AFM: variants seen among roughly 807,000 people sequenced by gnomAD.
AFM encodes alpha-Alb.
A neutral mutation model predicts 68.7 loss-of-function variants in AFM; 82 were observed. The ratio of observed to expected loss-of-function variants is 1.19; its 90% CI spans 1.00 to 1.43. The LOEUF (loss-of-function observed/expected upper bound fraction) is 1.43. Ranked by LOEUF, AFM falls within the 40% of genes most tolerant of loss-of-function variation. The pLI is 0.00. For missense variants in AFM, 772 were observed against 701.8 expected (o/e 1.10, Z -1.13); for synonymous variants, 250 against 234.2 (o/e 1.07, Z -0.61).
chr4:73,499,769 C>G (rs1322235574), intron 11 of AFM, among the ~76,000 whole-genome samples: 2 of 151,972 alleles, frequency 1.3e-5, no homozygotes, highest in South Asian at 2.1e-4. Context: ...TATATGCCAC[C>G]AAGAAATTAA....
Position 73,481,768 on chromosome 4 carries a change from C to T in AFM, c.-8C>T. 1 of 1,524,714 alleles carries T rather than the reference C, an allele frequency of 6.6e-7. No individual in the cohort carries two copies. The highest frequency in any genetic ancestry group is 9.0e-7 in the Non-Finnish European group (1 of 1,112,314). The allele number at this position is 1,524,714 out of a possible 1,614,324, so 94.4% of individuals were successfully genotyped here. A position where few individuals can be genotyped will look rare whatever the true frequency, so the allele number is the denominator to read the frequency against. On this transcript the variant is annotated 5_prime_UTR_variant, in exon 1 of 15. Coordinates refer to ENST00000226355, the MANE Select transcript of AFM (RefSeq NM_001133.2). ...TTACTTTCTTTTGTAAATGTGGTTT[C>T]TACAAAGATGAAACTACTAAAACTT... is the stretch of plus-strand genomic sequence containing the variant.
At chr4:73,500,988 C>T (rs941408376) in intron 12 of AFM, among the ~76,000 whole-genome samples, 1 of 151,934 alleles carries the variant, frequency 6.6e-6, no homozygotes, top group African/African-American at 2.4e-5. Flanking sequence ...ATTCTTAGAT[C>T]GAAGGATGGG....
At chr4:73,498,994 G>T in intron 10 of AFM, 120 bp from the exon 11 acceptor site, 13 of 953,498 alleles carry the variant, frequency 1.4e-5, no homozygotes, top group Non-Finnish European at 1.9e-5. Flanking sequence ...AGAGAGCTAA[G>T]GTTCATGTTG....
intron 10 of AFM, among the ~76,000 whole-genome samples, chr4:73,498,538 G>A (rs1326953386): frequency 1.3e-5 from 2 of 151,994 alleles, no homozygotes; most frequent in East Asian, 1.9e-4. Context: ...CCAACCCTTC[G>A]GACTTTGCTG....
chr4:73,502,428 GGTAAGGGTA>G (rs1721446428), intron 13 of AFM, among the ~76,000 whole-genome samples: 1 of 147,262 alleles, frequency 6.8e-6, no homozygotes, highest in South Asian at 2.1e-4. Context: ...GGGAGTGGAG[GGTAAGGGTA>G]GTCAGGGAGA....
chr4:73,494,166 C>A (rs1364022926), intron 8 of AFM, among the ~76,000 whole-genome samples: 3 of 151,766 alleles, frequency 2.0e-5, no homozygotes, highest in African/African-American at 7.3e-5. Flanking sequence ...GAACGTTAAG[C>A]ACTACTGCCA....
intron 6 of AFM, 42 bp from the exon 7 acceptor site, chr4:73,488,588 G>C: frequency 6.4e-7 from 1 of 1,570,058 alleles, no homozygotes; most frequent in South Asian, 1.2e-5. Context: ...TGTTCTACTT[G>C]CTGTTCAAAT....
At chr4:73,498,380 G>C (rs1721317955) in intron 10 of AFM, among the ~76,000 whole-genome samples, 1 of 152,034 alleles carries the variant, frequency 6.6e-6, no homozygotes, top group African/African-American at 2.4e-5. Context: ...CTGCCTCACA[G>C]GCTCCAGTGA....
rs772764832 is a variant in AFM, at chr4:73,487,011, C to G, written c.527C>G (p.Pro176Arg). Reference sequence around the variant, plus strand: ...AGAAGGAACCCATTTGTCTTCGCCCCTACACTTCTAACTGTTGCTGTTCAT... The same window carrying G: ...AGAAGGAACCCATTTGTCTTCGCCCGTACACTTCTAACTGTTGCTGTTCAT... ...VARRNPFVFA[P>R]TLLTVAVHFE... Residue 176 changes from proline to arginine, a missense_variant, in exon 5 of 15, where the codon CCT (proline) becomes CGT (arginine). Pro to Arg is a moderately radical substitution (Grantham distance 103). Transcript: ENST00000226355. The G allele has an allele frequency of 6.2e-7, 1 of 1,613,842 alleles. No individual in the cohort carries two copies. The highest frequency in any genetic ancestry group is 2.2e-5 in the East Asian group (1 of 44,840).
Position 73,491,933 on chromosome 4 carries a change from G to C in AFM, c.905G>C (p.Cys302Ser), listed in dbSNP as rs758902971. The change falls in exon 8 of 15, where the codon TGC becomes TCC. Residue 302 changes from cysteine (C) to serine (S), a missense_variant. Cys to Ser is a moderately radical substitution (Grantham distance 112). Coordinates refer to ENST00000226355, the MANE Select transcript of AFM (RefSeq NM_001133.2). ...TCTATCTCCAGCAAAATCAAAGAGT[G>C]CTGTGAAAAGAAAATACCAGAGCGC... is the stretch of plus-strand genomic sequence containing the variant. Reference protein sequence around the residue: ...QDSISSKIKECCEKKIPERGQ... With the variant: ...QDSISSKIKESCEKKIPERGQ... The C allele has an allele frequency of 1.4e-4, 227 of 1,613,824 alleles. No individual in the cohort carries two copies. Among genetic ancestry groups the C allele is most frequent in the Non-Finnish European group, 1.9e-4 (223 of 1,179,930 alleles).
chr4:73,494,941 T>G (rs552843608), intron 8 of AFM, among the ~76,000 whole-genome samples: 1 of 152,354 alleles, frequency 6.6e-6, no homozygotes, highest in East Asian at 1.9e-4. Context: ...AAGTTGGAAA[T>G]CTGAATGCAT....
At chr4:73,488,202 T>C (rs1267944925) in intron 6 of AFM, among the ~76,000 whole-genome samples, 4 of 152,188 alleles carry the variant, frequency 2.6e-5, no homozygotes, top group Non-Finnish European at 4.4e-5. Context: ...AAATTTTATC[T>C]CTAGTGCTCA....
intron 5 of AFM, 112 bp from the exon 6 acceptor site, chr4:73,487,612 A>AT: frequency 5.6e-6 from 4 of 709,710 alleles, no homozygotes; most frequent in South Asian, 3.8e-5. Flanking sequence ...AATCCTGTAG[A>AT]TTTTCTGTCT....
At chr4:73,500,293 G>A in intron 12 of AFM, 66 bp downstream of exon 12, 4 of 1,350,800 alleles carry the variant, frequency 3.0e-6, no homozygotes, top group Non-Finnish European at 4.1e-6. Flanking sequence ...TTAGTGAGAA[G>A]GTTTATCTAG....
chr4:73,486,880 C>CCCTTCCCTTT, intron 4 of AFM, 87 bp from the exon 5 acceptor site: 1 of 1,326,850 alleles, frequency 7.5e-7, no homozygotes, highest in East Asian at 2.3e-5. Context: ...ACCCTCCCTT[C>CCCTTCCCTTT]CCTTCCCTTC....
At chr4:73,499,509 T>A (rs1721359671) in intron 11 of AFM, among the ~76,000 whole-genome samples, 1 of 152,186 alleles carries the variant, frequency 6.6e-6, no homozygotes, top group African/African-American at 2.4e-5. Context: ...TTAGGACAAA[T>A]GATTTAGGAA....
chr4:73,499,212 C>G lies in AFM; in HGVS notation c.1388C>G (p.Thr463Arg), dbSNP rs772707726. Reference protein sequence around the residue: ...KMVTAFTTCCTLSEEFACVDN... With the variant: ...KMVTAFTTCCRLSEEFACVDN... ...GTGACAGCTTTCACTACTTGCTGTACGCTAAGTGAAGAGTTTGCCTGTGTT... is the reference window on the plus strand; with the variant it reads ...GTGACAGCTTTCACTACTTGCTGTAGGCTAAGTGAAGAGTTTGCCTGTGTT... Residue 463 changes from threonine (T) to arginine (R), a missense_variant, in exon 11 of 15, where the codon ACG becomes AGG. Physicochemically the swap from Thr to Arg is moderately conservative, Grantham distance 71 (BLOSUM62 -1). Coordinates refer to ENST00000226355, the MANE Select transcript of AFM (RefSeq NM_001133.2). 6 of 1,611,410 alleles carry G rather than the reference C, an allele frequency of 3.7e-6. No individual in the cohort carries two copies. Among genetic ancestry groups the G allele is most frequent in the African/African-American group, 2.7e-5 (2 of 74,562 alleles).
chr4:73,483,812 T>C (rs1368998498), intron 1 of AFM, 129 bp from the exon 2 acceptor site: 10 of 700,712 alleles, frequency 1.4e-5, no homozygotes, highest in South Asian at 7.5e-5. Context: ...TTGTTAAATA[T>C]GCAAAATTAT....
chr4:73,483,652 A>G (rs1325402869), intron 1 of AFM, among the ~76,000 whole-genome samples: 1 of 152,224 alleles, frequency 6.6e-6, no homozygotes, highest in Non-Finnish European at 1.5e-5. Flanking sequence ...AATGTATTTG[A>G]CATTTCTATC....
Sources: gnomAD v4.1 joint callset for allele counts (sites outside exome capture counted in the v4.1 genomes callset) on GRCh38, gnomAD v4.1.1 for gene constraint, MANE v1.5 for transcripts, NCBI Gene and HGNC (gene_info 2026-07-23, HGNC 2026-07-21) for gene names.